Variants in DIXDC1 observed in about 807,000 individuals in gnomAD.
DIXDC1 encodes the protein DIX domain containing 1.
Under a neutral mutation model 103.1 loss-of-function variants are expected in DIXDC1, and 64 were observed. The ratio of observed to expected loss-of-function variants is 0.62; its 90% confidence interval spans 0.51 to 0.76. DIXDC1 has a LOEUF of 0.76. DIXDC1 is among the 30% of genes least tolerant of loss of function. The pLI is 0.00. For missense variants in DIXDC1, 759 were observed against 834.2 expected, an observed-to-expected ratio of 0.91 and a Z score of 1.11; for synonymous variants, 266 against 298.5, an observed-to-expected ratio of 0.89 and a Z score of 1.12.
intron 1 of DIXDC1, among the ~76,000 whole-genome samples, chr11:111,964,183 C>T (rs995154983): frequency 2.6e-5 from 4 of 152,148 alleles, no homozygotes; most frequent in East Asian, 3.8e-4. Context: ...TGCTGGCAGT[C>T]GTGAATAGAC....
intron 9 of DIXDC1, 88 bp from the exon 10 acceptor site, chr11:111,988,917 G>A (rs587674554): frequency 8.7e-7 from 1 of 1,146,506 alleles, no homozygotes; most frequent in African/African-American, 1.6e-5. Context: ...TGATCAACTG[G>A]GTTTTGTCCT....
Position 111,992,488 on chromosome 11 carries a change from A to G in DIXDC1, c.1187A>G (p.Asn396Ser). The G allele has an allele frequency of 6.4e-7, 1 of 1,574,054 alleles. No individual in the cohort carries two copies. Among genetic ancestry groups the G allele is most frequent in the Non-Finnish European group, 8.6e-7 (1 of 1,158,930 alleles). ...CTCAAACAAGAGCTACTGAGGGCAA[A>G]TATGGACAAAGATGAGCTGCACAAC... ...LQLKQELLRA[N>S]MDKDELHNQN... Residue 396 changes from asparagine to serine, a missense_variant, in exon 11 of 20, where the codon AAT becomes AGT. Transcript: ENST00000440460.
Position 111,981,955 on chromosome 11 carries a change from G to A in DIXDC1, c.770-384G>A, listed in dbSNP as rs149955193. On this transcript the variant is annotated intron_variant, in intron 6 of 19. Transcript: ENST00000440460. ...TTGAAGTCTCCCCTCTAAAGCTTCA[G>A]AGTAACCAGTAAGATTTTGTTTTCA... Among the ~76,000 whole-genome samples, 16 of 152,298 alleles carry A rather than the reference G, an allele frequency of 1.1e-4. 1 individual carries two copies. In the East Asian group the frequency reaches 3.1e-3, roughly 29 times the overall value.
chr11:112,022,594 T>C lies in DIXDC1; in HGVS notation c.*3558T>C, dbSNP rs1041020973. 48 of 152,796 alleles carry C rather than the reference T, an allele frequency of 3.1e-4. No homozygotes were observed. The highest frequency in any genetic ancestry group is 1.1e-3 in the African/African-American group (45 of 41,596). The allele number at this position is 152,796 out of a possible 1,614,324, so 9.5% of individuals were successfully genotyped here. The stretch of plus-strand genomic sequence containing the variant: ...GGGTTTGCAAACTAAATATCATTAA[T>C]GATTTTCACTTGCGTTTACTGATGA... On this transcript the variant is annotated 3_prime_UTR_variant, in exon 20 of 20. Transcript: ENST00000440460. This position sits in a 1 kb window ranked among gnomAD's most constrained non-coding sequence, Gnocchi z 4.9.
rs1345250281 is a variant in DIXDC1, at chr11:111,946,672, T to A, written c.60+9113T>A. 43 of 297,496 alleles carry A rather than the reference T, an allele frequency of 1.4e-4. No homozygotes were observed. In the Admixed American group the frequency reaches 1.5e-3, roughly 11 times the overall value. The allele number at this position is 297,496 out of a possible 1,614,324, so 18.4% of individuals were successfully genotyped here. On this transcript the variant is annotated intron_variant, in intron 1 of 19. Coordinates refer to ENST00000440460, the MANE Select transcript of DIXDC1 (RefSeq NM_001037954.4). The stretch of plus-strand genomic sequence containing the variant: ...CACTGCACCCAGCCAACATGTTTTT[T>A]TTCCTTTGTTTATTTTGGAGAACCT...
At chr11:111,996,719 A>C (rs1244757387) in intron 17 of DIXDC1, among the ~76,000 whole-genome samples, 1 of 152,048 alleles carries the variant, frequency 6.6e-6, no homozygotes, top group Non-Finnish European at 1.5e-5. Flanking sequence ...GTGTGGTGGC[A>C]CACGCCTGTA....
intron 3 of DIXDC1, among the ~76,000 whole-genome samples, chr11:111,969,890 T>G (rs1159524667): frequency 6.6e-6 from 1 of 151,858 alleles, no homozygotes; most frequent in Non-Finnish European, 1.5e-5. Context: ...GAGAAAGAAA[T>G]AAAAGGCATC....
At chr11:111,975,571 A>G (rs1555172519) in intron 5 of DIXDC1, 1 of 985,744 alleles carries the variant, frequency 1.0e-6, no homozygotes, top group Non-Finnish European at 1.2e-6. Context: ...TGCCCTAATA[A>G]AAACCTTATC....
At chr11:111,963,209 G>C (rs955055365) in intron 1 of DIXDC1, among the ~76,000 whole-genome samples, 1 of 152,280 alleles carries the variant, frequency 6.6e-6, no homozygotes, top group African/African-American at 2.4e-5. Flanking sequence ...TTTAGTAAGC[G>C]TCAATTTTAT....
At chr11:111,993,054 C>A in intron 12 of DIXDC1, 50 bp downstream of exon 12, 1 of 1,547,040 alleles carries the variant, frequency 6.5e-7, no homozygotes, top group Non-Finnish European at 8.8e-7. Flanking sequence ...TTTTCATGAA[C>A]AGCCCGTTAT....
At chr11:111,944,093 T>G (rs1359644349) in intron 1 of DIXDC1, among the ~76,000 whole-genome samples, 2 of 152,134 alleles carry the variant, frequency 1.3e-5, no homozygotes, top group Non-Finnish European at 2.9e-5. Flanking sequence ...ACATAAGGTT[T>G]TTAAATCTCT....
At position 111,985,272 on chromosome 11, in the gene DIXDC1, A is replaced by T. The variant is rs782759344; in HGVS notation, c.959A>T (p.Glu320Val). 10 of 1,613,688 alleles carry T rather than the reference A, an allele frequency of 6.2e-6. No individual in the cohort carries two copies. The Admixed American group carries it at 8.3e-5, about 13-fold the overall frequency. ...LNGSLPEDEQ[E>V]RPLALCEPGV... Reference sequence around the variant, plus strand: ...GGATCCTTACCTGAAGATGAACAGGAGAGGCCCTTGGCCCTCTGTGAACCA... The same window carrying T: ...GGATCCTTACCTGAAGATGAACAGGTGAGGCCCTTGGCCCTCTGTGAACCA... Residue 320 changes from glutamate (E) to valine (V), a missense_variant, in exon 8 of 20, where the codon GAG becomes GTG. Around this residue, in one of 3 missense-constraint regions of DIXDC1, gnomAD observed 657 missense variants for 727.5 expected, o/e 0.90. Transcript: ENST00000440460.
intron 17 of DIXDC1, among the ~76,000 whole-genome samples, chr11:112,002,945 A>T (rs587605341): frequency 6.6e-6 from 1 of 152,324 alleles, no homozygotes; most frequent in South Asian, 2.1e-4. Flanking sequence ...AGCAACATGG[A>T]TGGAGCTGGA....
At chr11:111,990,450 T>TAA (rs1860669049) in intron 10 of DIXDC1, among the ~76,000 whole-genome samples, 6 of 152,086 alleles carry the variant, frequency 3.9e-5, no homozygotes, top group African/African-American at 1.4e-4. Context: ...TCCCCCACGG[T>TAA]TTTACCCAAA....
In DIXDC1 at chr11:112,020,850, T is replaced by C. The variant is rs1443843917; in HGVS notation, c.*1814T>C. 6.6e-6 allele frequency: 1 copy of C among 152,232 alleles called. No individual in the cohort carries two copies. Among genetic ancestry groups the C allele is most frequent in the Non-Finnish European group, 1.5e-5 (1 of 68,044 alleles). The allele number at this position is 152,232 out of a possible 1,614,324, so 9.4% of individuals were successfully genotyped here. A position where few individuals can be genotyped will look rare whatever the true frequency, so the allele number is the denominator to read the frequency against. On this transcript the variant is annotated 3_prime_UTR_variant, in exon 20 of 20. Transcript: ENST00000440460. ...TTCATCAGAAACGACTGGGAAAGTT[T>C]GGGAAAGTCAGCAAAAGAAAGAATG...
intron 3 of DIXDC1, among the ~76,000 whole-genome samples, chr11:111,969,762 GA>G (rs1859853027): frequency 6.6e-6 from 1 of 152,184 alleles, no homozygotes; most frequent in East Asian, 1.9e-4. Flanking sequence ...TCTGTGTTTA[GA>G]TCATTTAGAT....
chr11:111,982,299 T>C, intron 6 of DIXDC1, 40 bp from the exon 7 acceptor site: 1 of 1,592,282 alleles, frequency 6.3e-7, no homozygotes, highest in Non-Finnish European at 8.5e-7. Context: ...GAAATCAGTT[T>C]TCTTCAACAT....
intron 17 of DIXDC1, among the ~76,000 whole-genome samples, chr11:111,997,527 G>T (rs1228745614): frequency 1.3e-5 from 2 of 152,028 alleles, no homozygotes; most frequent in African/African-American, 4.8e-5. Context: ...GTAGAGATGG[G>T]GTTTCGCCAT....
chr11:111,975,738 ATTTAGGGCT>A (rs782532894), intron 5 of DIXDC1: 11 of 985,206 alleles, frequency 1.1e-5, no homozygotes, highest in African/African-American at 3.5e-5. Context: ...AATCTGCTCT[ATTTAGGGCT>A]AATTGTTCCT....
Sources: gnomAD v4.1 joint callset for allele counts (sites outside exome capture counted in the v4.1 genomes callset) on GRCh38, gnomAD v4.1.1 for gene constraint, gnomAD v4.1.1 regional missense constraint, Gnocchi (gnomAD v3.1) non-coding constraint, MANE v1.5 for transcripts, NCBI Gene and HGNC (gene_info 2026-07-23, HGNC 2026-07-21) for gene names.